Variants in ITGA9 observed in about 807,000 individuals in gnomAD.
The protein encoded by ITGA9 is integrin subunit alpha 9.
In ITGA9, 56 loss-of-function variants were observed where a neutral mutation model predicts 127.8. The ratio of observed to expected loss-of-function variants is 0.44; its 90% CI spans 0.35 to 0.55. The LOEUF is 0.55. Among genes scored for constraint, ITGA9 ranks in the 20% least tolerant of loss-of-function variants. The pLI is 0.00. For missense variants in ITGA9, 1,196 were observed against 1,347.1 expected (o/e 0.89, Z 1.76); for synonymous variants, 508 against 514.5 (o/e 0.99, Z 0.17).
chr3:37,739,609 C>T (rs929614440), intron 20 of ITGA9, among the ~76,000 whole-genome samples: 1 of 152,248 alleles, frequency 6.6e-6, no homozygotes, highest in Non-Finnish European at 1.5e-5. Flanking sequence ...CCTCTCCTCT[C>T]AGCAGCCACC....
rs943611148 is a variant in ITGA9, at chr3:37,819,121, A to G, written c.*132A>G. 1.3e-6 allele frequency: 1 copy of G among 767,816 alleles called. No homozygotes were observed. The highest frequency in any genetic ancestry group is 2.3e-6 in the Non-Finnish European group (1 of 438,494). The allele number at this position is 767,816 out of a possible 1,614,324, so 47.6% of individuals were successfully genotyped here. A position where few individuals can be genotyped will look rare whatever the true frequency, so the allele number is the denominator to read the frequency against. ...CTGATGCTGTTCTCTTCTTCATTCT[A>G]TCAAGCCCAGGTGCCAGCCTGAGGC... On this transcript the variant is annotated 3_prime_UTR_variant, in exon 28 of 28. Transcript: ENST00000264741.
At chr3:37,519,855 G>T (rs1362942614) in intron 11 of ITGA9, among the ~76,000 whole-genome samples, 1 of 152,130 alleles carries the variant, frequency 6.6e-6, no homozygotes, top group Non-Finnish European at 1.5e-5. Flanking sequence ...TCTGTTTTTT[G>T]CCGTATCAGC....
intron 15 of ITGA9, among the ~76,000 whole-genome samples, chr3:37,561,543 A>G (rs961373378): frequency 6.6e-6 from 1 of 152,226 alleles, no homozygotes; most frequent in Non-Finnish European, 1.5e-5. Flanking sequence ...TACAAAAGTT[A>G]AGAAGCATGG....
intron 23 of ITGA9, among the ~76,000 whole-genome samples, chr3:37,759,027 G>A (rs911745680): frequency 3.3e-5 from 5 of 150,148 alleles, no homozygotes; most frequent in African/African-American, 1.2e-4. Context: ...TACAAAACCA[G>A]GCTTAAAAAT....
intron 18 of ITGA9, among the ~76,000 whole-genome samples, chr3:37,702,896 G>A (rs2125673736): frequency 6.6e-6 from 1 of 152,180 alleles, no homozygotes; most frequent in Non-Finnish European, 1.5e-5. Context: ...TGACCACCTA[G>A]AAACCAGAGA....
chr3:37,806,644 A>T lies in ITGA9; in HGVS notation c.3009+2702A>T, dbSNP rs1452426260. 4.6e-5 allele frequency: 7 copies of T among 152,188 alleles called. No individual in the cohort carries two copies. The highest frequency in any genetic ancestry group is 4.6e-4 in the Admixed American group (7 of 15,274). 9.4% of individuals were successfully genotyped at this position (152,188 alleles called of 1,614,324 possible). A position where few individuals can be genotyped will look rare whatever the true frequency, so the allele number is the denominator to read the frequency against. Reference sequence around the variant, plus strand: ...CCCTGAGGTCACCCAGCTGTGTGGGATCCAAAGAGCCAGGACCTGAGAAGG... The same window carrying T: ...CCCTGAGGTCACCCAGCTGTGTGGGTTCCAAAGAGCCAGGACCTGAGAAGG... On this transcript the variant is annotated intron_variant, in intron 27 of 27. Transcript: ENST00000264741. The surrounding 1 kb of genome is among the most constrained non-coding windows in gnomAD (Gnocchi z 4.3).
At chr3:37,605,221 C>G (rs1699957041) in intron 15 of ITGA9, among the ~76,000 whole-genome samples, 2 of 151,864 alleles carry the variant, frequency 1.3e-5, no homozygotes, top group African/African-American at 4.8e-5. Flanking sequence ...AGCCTCGGGA[C>G]TAGAGTTTGG....
chr3:37,707,537 T>C (rs1227738433), intron 18 of ITGA9, among the ~76,000 whole-genome samples: 1 of 152,192 alleles, frequency 6.6e-6, no homozygotes, highest in East Asian at 1.9e-4. Flanking sequence ...GGTATGTTTT[T>C]CTGTGTTCAG....
At chr3:37,747,568 G>T (rs1696517882) in intron 22 of ITGA9, among the ~76,000 whole-genome samples, 1 of 126,006 alleles carries the variant, frequency 7.9e-6, no homozygotes. Flanking sequence ...CCCAGCCTCT[G>T]GTTAGCATCC....
At position 37,622,862 on chromosome 3, in the gene ITGA9, A is replaced by T. The variant is rs574807026; in HGVS notation, c.1690-6325A>T. Among the ~76,000 whole-genome samples, 8 of 152,202 alleles carry T rather than the reference A, an allele frequency of 5.3e-5. 1 individual carries two copies. The highest frequency in any genetic ancestry group is 1.2e-4 in the African/African-American group (5 of 41,528). On this transcript the variant is annotated intron_variant, in intron 15 of 27. Transcript: ENST00000264741. The stretch of plus-strand genomic sequence containing the variant: ...AAAAAATGCATTAAAAATGGTAATG[A>T]TCACCATTTATTGCTTGCCTACAGT...
At chr3:37,721,051 G>C (rs1482038469) in intron 18 of ITGA9, among the ~76,000 whole-genome samples, 3 of 150,380 alleles carry the variant, frequency 2.0e-5, no homozygotes, top group Non-Finnish European at 4.4e-5. Flanking sequence ...CAGCCAGTCT[G>C]CAACTGCCAG....
At position 37,611,484 on chromosome 3, in the gene ITGA9, G is replaced by C. The variant is rs537714350; in HGVS notation, c.1690-17703G>C. ...TAGGAATGGGGTGGCAAGAAGGAGAGTAGAACAGATTATAAGAAAGAATGA... is the reference window on the plus strand; with the variant it reads ...TAGGAATGGGGTGGCAAGAAGGAGACTAGAACAGATTATAAGAAAGAATGA... On this transcript the variant is annotated intron_variant, in intron 15 of 27. Coordinates refer to ENST00000264741, the MANE Select transcript of ITGA9 (RefSeq NM_002207.3). Among the ~76,000 whole-genome samples, 4 of 152,258 alleles carry C rather than the reference G, an allele frequency of 2.6e-5. No individual in the cohort carries two copies. In the East Asian group the frequency reaches 7.7e-4, roughly 29 times the overall value.
At chr3:37,784,261 C>CT (rs1380732348) in intron 25 of ITGA9, among the ~76,000 whole-genome samples, 1 of 152,168 alleles carries the variant, frequency 6.6e-6, no homozygotes, top group East Asian at 1.9e-4. Context: ...CTTCCAAATT[C>CT]TTTCTCCATC....
At chr3:37,817,952 T>C (rs904832599) in intron 27 of ITGA9, among the ~76,000 whole-genome samples, 1 of 151,988 alleles carries the variant, frequency 6.6e-6, no homozygotes, top group African/African-American at 2.4e-5. Flanking sequence ...ACAAATTCCA[T>C]GGGTTTGAGA....
At chr3:37,723,338 T>C (rs1474093433) in intron 18 of ITGA9, among the ~76,000 whole-genome samples, 1 of 151,654 alleles carries the variant, frequency 6.6e-6, no homozygotes, top group Non-Finnish European at 1.5e-5. Flanking sequence ...TTTTTTTTGC[T>C]ACTTTTGTAA....
At chr3:37,727,730 G>A (rs188392706) in intron 18 of ITGA9, among the ~76,000 whole-genome samples, 1 of 152,178 alleles carries the variant, frequency 6.6e-6, no homozygotes, top group Non-Finnish European at 1.5e-5. Flanking sequence ...TCTGGTTTTC[G>A]GTACAATCAC....
At chr3:37,722,143 ACACTCTT>A (rs11277465) in intron 18 of ITGA9, among the ~76,000 whole-genome samples, 72,164 of 151,126 alleles carry the variant, frequency 0.48, 17,507 homozygotes, top group South Asian at 0.7. Flanking sequence ...TCTGCCAGGG[ACACTCTT>A]CACTCTCCCT....
intron 15 of ITGA9, among the ~76,000 whole-genome samples, chr3:37,579,744 C>T (rs1022192658): frequency 6.6e-6 from 1 of 152,114 alleles, no homozygotes; most frequent in Admixed American, 6.5e-5. Context: ...TCTAACCCTC[C>T]TATCAGATCC....
chr3:37,560,530 G>A (rs754864070), intron 15 of ITGA9, among the ~76,000 whole-genome samples: 2 of 152,178 alleles, frequency 1.3e-5, no homozygotes, highest in Non-Finnish European at 2.9e-5. Flanking sequence ...TTGCCACACT[G>A]TCTTCCACAA....
Sources: allele counts gnomAD v4.1 joint callset (sites outside exome capture counted in the v4.1 genomes callset), GRCh38; gene constraint gnomAD v4.1.1; non-coding constraint Gnocchi (gnomAD v3.1); transcripts MANE v1.5; gene names NCBI Gene and HGNC (gene_info 2026-07-23, HGNC 2026-07-21).